Variants in PIGK observed in about 807,000 individuals in gnomAD.
PIGK encodes the protein GPI-anchor transamidase.
PIGK carries 42 observed loss-of-function variants against 50.6 expected under a neutral mutation model. That is an observed-to-expected ratio of 0.83 (90% confidence interval 0.65 to 1.07). PIGK has a LOEUF of 1.07. Among genes scored for constraint, PIGK ranks in the 50% least tolerant of loss-of-function variants. The probability of loss-of-function intolerance (pLI) is 0.00; values close to 1 mark genes in which losing one functional copy is unlikely to be tolerated. For missense variants in PIGK, 448 were observed against 488.7 expected (o/e 0.92, Z 0.78); for synonymous variants, 151 against 156.0 (o/e 0.97, Z 0.24).
In PIGK at chr1:77,090,082, A is replaced by G. The variant is rs1653262882; in HGVS notation, c.*2292T>C. ...CCGACATAAGAACAATAATGCCACC[A>G]TATATTTACAATTTCAGAAGTGTTT... On this transcript the variant is annotated 3_prime_UTR_variant, in exon 11 of 11. Coordinates refer to ENST00000370812, the MANE Select transcript of PIGK (RefSeq NM_005482.3). The G allele has an allele frequency of 6.6e-6, 1 of 152,258 alleles. No individual in the cohort carries two copies. The highest frequency in any genetic ancestry group is 2.4e-5 in the African/African-American group (1 of 41,464). The allele number at this position is 152,258 out of a possible 1,614,324, so 9.4% of individuals were successfully genotyped here. A position where few individuals can be genotyped will look rare whatever the true frequency, so the allele number is the denominator to read the frequency against.
At chr1:77,141,407 T>G (rs915548352) in intron 9 of PIGK, among the ~76,000 whole-genome samples, 1 of 152,136 alleles carries the variant, frequency 6.6e-6, no homozygotes, top group Non-Finnish European at 1.5e-5. Context: ...CGGCTCTTAA[T>G]ATTGAAGTTA....
intron 2 of PIGK, among the ~76,000 whole-genome samples, chr1:77,209,722 A>C (rs1010816617): frequency 1.3e-5 from 2 of 152,082 alleles, no homozygotes; most frequent in African/African-American, 4.8e-5. Flanking sequence ...CACAAAACAG[A>C]AGAAAATACA....
Position 77,169,350 on chromosome 1 carries a change from T to C in PIGK, c.285A>G (p.Arg95=), listed in dbSNP as rs1332935206. 40 of 1,608,260 alleles carry C rather than the reference T, an allele frequency of 2.5e-5. No individual in the cohort carries two copies. The highest frequency in any genetic ancestry group is 3.3e-5 in the Non-Finnish European group (39 of 1,176,752). Residue 95 remains arginine (R), a synonymous_variant, in exon 4 of 11, where the codon AGA becomes AGG. Coordinates refer to ENST00000370812, the MANE Select transcript of PIGK (RefSeq NM_005482.3). ...TAAACACTGTAGCTGGTTTGGGATT[T>C]CTAGGATTACAGGCCATATCATCTG... is the stretch of plus-strand genomic sequence containing the variant. ...MLADDMACNP[R]NPKPATVFSH...
chr1:77,113,599 C>G (rs1653901377), intron 10 of PIGK, among the ~76,000 whole-genome samples: 1 of 152,092 alleles, frequency 6.6e-6, no homozygotes, highest in African/African-American at 2.4e-5. Context: ...TACAGGCAAT[C>G]TTCAACCAGT....
intron 9 of PIGK, among the ~76,000 whole-genome samples, chr1:77,133,898 G>C (rs1032735549): frequency 6.6e-6 from 1 of 151,918 alleles, no homozygotes; most frequent in East Asian, 1.9e-4. Flanking sequence ...TAAGAATTTG[G>C]CATGCCAGCC....
intron 10 of PIGK, among the ~76,000 whole-genome samples, chr1:77,096,551 G>A (rs1422358187): frequency 6.6e-6 from 1 of 152,132 alleles, no homozygotes; most frequent in African/African-American, 2.4e-5. Context: ...CTACAGAAGA[G>A]CCGAGCTTCC....
At chr1:77,211,600 C>G (rs1656423424) in intron 1 of PIGK, among the ~76,000 whole-genome samples, 1 of 151,890 alleles carries the variant, frequency 6.6e-6, no homozygotes, top group East Asian at 1.9e-4. Flanking sequence ...CTCCCTACAT[C>G]CTCAACAAAA....
chr1:77,195,108 AT>A, intron 3 of PIGK: 1 of 1,160,182 alleles, frequency 8.6e-7, no homozygotes, highest in Non-Finnish European at 1.3e-6. Context: ...GTGTGGTCAT[AT>A]TACACAGGAA....
chr1:77,133,612 G>T (rs1654431968), intron 9 of PIGK, among the ~76,000 whole-genome samples: 1 of 152,240 alleles, frequency 6.6e-6, no homozygotes, highest in South Asian at 2.1e-4. Context: ...ACTTAAGAAG[G>T]TCCATGTGTT....
intron 3 of PIGK, among the ~76,000 whole-genome samples, chr1:77,177,268 A>G (rs113003012): frequency 9.6e-4 from 146 of 152,344 alleles, no homozygotes; most frequent in African/African-American, 3.3e-3. Flanking sequence ...ACTGGCACCA[A>G]AACTGGCCAT....
intron 2 of PIGK, among the ~76,000 whole-genome samples, chr1:77,208,226 C>T (rs1327585280): frequency 3.3e-5 from 5 of 151,892 alleles, no homozygotes; most frequent in Non-Finnish European, 5.9e-5. Context: ...ACCTCATCTC[C>T]AAAAACTCCC....
At chr1:77,170,391 C>A (rs1035654050) in intron 3 of PIGK, among the ~76,000 whole-genome samples, 9 of 152,154 alleles carry the variant, frequency 5.9e-5, no homozygotes, top group Admixed American at 5.9e-4. Flanking sequence ...TGGCTACTGA[C>A]CAAATTTAGA....
chr1:77,185,620 C>T (rs1003502436), intron 3 of PIGK, among the ~76,000 whole-genome samples: 12 of 152,082 alleles, frequency 7.9e-5, no homozygotes, highest in Non-Finnish European at 1.8e-4. Flanking sequence ...TGTGTTACTC[C>T]GGCCCATTTA....
chr1:77,212,134 C>T (rs1391594409), intron 1 of PIGK, among the ~76,000 whole-genome samples: 3 of 152,008 alleles, frequency 2.0e-5, no homozygotes, highest in African/African-American at 7.2e-5. Context: ...TCTCAAGACA[C>T]TAAAATTTTC....
chr1:77,110,533 G>T (rs1437213747), intron 10 of PIGK, among the ~76,000 whole-genome samples: 1 of 152,124 alleles, frequency 6.6e-6, no homozygotes, highest in African/African-American at 2.4e-5. Flanking sequence ...TTAATAAATG[G>T]TGCTGGGAAA....
intron 9 of PIGK, among the ~76,000 whole-genome samples, chr1:77,133,962 T>C (rs1654442515): frequency 6.6e-6 from 1 of 152,206 alleles, no homozygotes; most frequent in African/African-American, 2.4e-5. Flanking sequence ...AGTAACCCTT[T>C]ATCAGAGGCC....
chr1:77,104,486 C>T (rs1341318698), intron 10 of PIGK, among the ~76,000 whole-genome samples: 1 of 151,710 alleles, frequency 6.6e-6, no homozygotes, highest in Non-Finnish European at 1.5e-5. Flanking sequence ...AAAGAAACAT[C>T]AGAGAACAAA....
chr1:77,207,898 A>G (rs574356703), intron 2 of PIGK, among the ~76,000 whole-genome samples: 2 of 152,176 alleles, frequency 1.3e-5, no homozygotes, highest in Non-Finnish European at 2.9e-5. Flanking sequence ...TTGACTATAT[A>G]AAAATGTAAA....
At chr1:77,142,087 C>T (rs1654661828) in intron 9 of PIGK, among the ~76,000 whole-genome samples, 1 of 152,060 alleles carries the variant, frequency 6.6e-6, no homozygotes, top group Admixed American at 6.6e-5. Context: ...AAGATAAAAA[C>T]ATAAAGAAAT....
Sources: gnomAD v4.1 joint callset for allele counts (sites outside exome capture counted in the v4.1 genomes callset) on GRCh38, gnomAD v4.1.1 for gene constraint, MANE v1.5 for transcripts, NCBI Gene and HGNC (gene_info 2026-07-23, HGNC 2026-07-21) for gene names.